The following WDR41 variants were observed in gnomAD, a reference collection of about 807,000 sequenced individuals.
WDR41 encodes WD repeat-containing protein 41.
A neutral mutation model predicts 69.3 loss-of-function variants in WDR41; 63 were observed. That is an observed-to-expected ratio of 0.91 (90% CI 0.74 to 1.12). WDR41 has a LOEUF of 1.12. Among genes scored for constraint, WDR41 ranks in the 50% most tolerant of loss-of-function variants. The pLI is 0.00. For missense variants in WDR41, 543 were observed against 534.5 expected (o/e 1.02, Z -0.16); for synonymous variants, 185 against 192.1 (o/e 0.96, Z 0.31).
intron 1 of WDR41, among the ~76,000 whole-genome samples, chr5:77,611,133 C>T (rs1361998596): frequency 6.6e-6 from 1 of 151,944 alleles, no homozygotes; most frequent in East Asian, 1.9e-4. Flanking sequence ...GCACCCAATA[C>T]AGGAGCACCC....
At chr5:77,470,519 G>A (rs899937166) in intron 2 of WDR41, among the ~76,000 whole-genome samples, 4 of 152,060 alleles carry the variant, frequency 2.6e-5, no homozygotes, top group African/African-American at 9.7e-5. Flanking sequence ...TCAGTGTGCT[G>A]TATTCAGGAA....
chr5:77,453,944 G>T lies in WDR41; in HGVS notation c.412-16C>A. On this transcript the variant is annotated splice_polypyrimidine_tract_variant and intron_variant, in intron 5 of 12. Transcript: ENST00000296679. Reference sequence around the variant, plus strand: ...CAGTTAAACACTGCAAAATTTATTTGAAATGTATATCAGGTTAGAAACTTA... The same window carrying T: ...CAGTTAAACACTGCAAAATTTATTTTAAATGTATATCAGGTTAGAAACTTA... 8 of 1,584,322 alleles carry T rather than the reference G, an allele frequency of 5.0e-6. No homozygotes were observed. Among genetic ancestry groups the T allele is most frequent in the Non-Finnish European group, 6.9e-6 (8 of 1,153,092 alleles).
In WDR41 at chr5:77,477,632, C is replaced by G. The variant is rs1264339525; in HGVS notation, c.167+11825G>C. Among the ~76,000 whole-genome samples the G allele has an allele frequency of 2.4e-5, 2 of 84,420 alleles. 1 individual carries two copies. The highest frequency in any genetic ancestry group is 4.0e-5 in the Non-Finnish European group (2 of 49,616). The allele number at this position is 84,420 out of a possible 152,430, so 55.4% of individuals were successfully genotyped here. On this transcript the variant is annotated intron_variant, in intron 2 of 12. Coordinates refer to ENST00000296679, the MANE Select transcript of WDR41 (RefSeq NM_018268.4). ...AGATGTTCTTTGAAACCAACGAGAA[C>G]AAAGACACAACATATCAGAATCTCT...
chr5:77,620,451 C>G (rs991217241), intron 1 of WDR41: 1 of 456,004 alleles, frequency 2.2e-6, no homozygotes, highest in African/African-American at 2.0e-5. Flanking sequence ...ATGAAGAAAG[C>G]TGAAGTCCCA....
intron 3 of WDR41, among the ~76,000 whole-genome samples, chr5:77,464,274 C>CTTTTTTTTTTTTTTTTTTTTTTTTTT (rs71606297): frequency 1.1e-5 from 1 of 94,204 alleles, no homozygotes; most frequent in African/African-American, 4.3e-5. Flanking sequence ...TAGGAAAAAA[C>CTTTTTTTTTTTTTTTTTTTTTTTTTT]TTTTTTTTTT....
chr5:77,435,648 C>A (rs1581687376), intron 12 of WDR41, among the ~76,000 whole-genome samples: 1 of 152,204 alleles, frequency 6.6e-6, no homozygotes, highest in Non-Finnish European at 1.5e-5. Flanking sequence ...GTTATTAGTT[C>A]TCACAGCTAA....
In WDR41 at chr5:77,501,182, C is replaced by G. The variant is rs138395995; in HGVS notation, c.43-11610G>C. ...AGGACACTTCTGCCCAAATACTGCGCTTTTCCCAAGGTCTTAGCCACTGGC... is the reference window on the plus strand; with the variant it reads ...AGGACACTTCTGCCCAAATACTGCGGTTTTCCCAAGGTCTTAGCCACTGGC... On this transcript the variant is annotated intron_variant, in intron 1 of 5. Transcript: ENST00000509971. 6.7e-3 allele frequency among the ~76,000 whole-genome samples: 1,022 copies of G among 152,356 alleles called. 8 individuals are homozygous for G. The highest frequency in any genetic ancestry group is 0.023 in the African/African-American group (970 of 41,582).
At chr5:77,464,664 G>A (rs987797896) in intron 3 of WDR41, 97 bp downstream of exon 3, 2 of 1,206,208 alleles carry the variant, frequency 1.7e-6, no homozygotes, top group Admixed American at 1.8e-5. Flanking sequence ...AATTAACAGT[G>A]ATATGTAAAT....
intron 1 of WDR41, among the ~76,000 whole-genome samples, chr5:77,592,705 C>T (rs1279598992): frequency 6.6e-6 from 1 of 152,176 alleles, no homozygotes; most frequent in Non-Finnish European, 1.5e-5. Context: ...AATAACACCA[C>T]TTAATTCTCC....
chr5:77,472,947 C>G (rs1173590044), intron 2 of WDR41, among the ~76,000 whole-genome samples: 48 of 152,082 alleles, frequency 3.2e-4, no homozygotes, highest in African/African-American at 8.7e-4. Context: ...AACCAAAAAA[C>G]AGCCCGCATT....
At chr5:77,589,357 T>A (rs1744095863) in intron 1 of WDR41, among the ~76,000 whole-genome samples, 1 of 152,192 alleles carries the variant, frequency 6.6e-6, no homozygotes, top group South Asian at 2.1e-4. Flanking sequence ...TTATTCATTT[T>A]AGAATCAGCT....
chr5:77,537,270 C>A (rs1743004532), intron 1 of WDR41, among the ~76,000 whole-genome samples: 1 of 152,104 alleles, frequency 6.6e-6, no homozygotes, highest in Non-Finnish European at 1.5e-5. Context: ...TATGGTAAGA[C>A]ACATAGGCCC....
chr5:77,578,367 C>G (rs1156789553), intron 1 of WDR41, among the ~76,000 whole-genome samples: 1 of 152,020 alleles, frequency 6.6e-6, no homozygotes, highest in Non-Finnish European at 1.5e-5. Flanking sequence ...AACAGCAAGA[C>G]CTGGGGGAGG....
intron 2 of WDR41, among the ~76,000 whole-genome samples, chr5:77,476,190 C>A (rs1013864443): frequency 6.6e-6 from 1 of 152,114 alleles, no homozygotes; most frequent in Non-Finnish European, 1.5e-5. Flanking sequence ...ACCAAATCTA[C>A]GTCTGACTGG....
At chr5:77,455,548 G>A (rs750635749) in intron 5 of WDR41, among the ~76,000 whole-genome samples, 8 of 152,078 alleles carry the variant, frequency 5.3e-5, no homozygotes, top group East Asian at 1.9e-4. Context: ...AGAGATGTAC[G>A]CCTATATTTC....
intron 1 of WDR41, among the ~76,000 whole-genome samples, chr5:77,548,705 T>C (rs1432053457): frequency 6.6e-6 from 1 of 152,214 alleles, no homozygotes; most frequent in Non-Finnish European, 1.5e-5. Context: ...ACAACCACTA[T>C]AGAAAACAGT....
intron 1 of WDR41, among the ~76,000 whole-genome samples, chr5:77,580,222 G>A (rs907613970): frequency 6.6e-6 from 1 of 152,114 alleles, no homozygotes; most frequent in Non-Finnish European, 1.5e-5. Context: ...AATTTATAAG[G>A]AAAAGAGGTT....
intron 4 of WDR41, among the ~76,000 whole-genome samples, chr5:77,459,399 T>A (rs1253250990): frequency 6.6e-6 from 1 of 152,140 alleles, no homozygotes; most frequent in Non-Finnish European, 1.5e-5. Context: ...TACTGAATCT[T>A]TACAAGCACT....
chr5:77,600,143 T>C (rs1028051292), intron 1 of WDR41, among the ~76,000 whole-genome samples: 1 of 152,170 alleles, frequency 6.6e-6, no homozygotes, highest in Non-Finnish European at 1.5e-5. Flanking sequence ...CAAACATGGG[T>C]TTGACCATGG....
Sources: allele counts gnomAD v4.1 joint callset (sites outside exome capture counted in the v4.1 genomes callset), GRCh38; gene constraint gnomAD v4.1.1; transcripts MANE v1.5; gene names NCBI Gene and HGNC (gene_info 2026-07-23, HGNC 2026-07-21).